SUCO: variants seen among roughly 807,000 people sequenced by gnomAD.
The protein encoded by SUCO is SUN domain-containing ossification factor.
SUCO carries 57 observed loss-of-function variants against 148.1 expected under a neutral mutation model. That is an observed-to-expected ratio of 0.38 (90% confidence interval 0.31 to 0.48). The LOEUF is 0.48. Among genes scored for constraint, SUCO ranks in the 20% least tolerant of loss-of-function variants. The pLI is 0.96. For synonymous variants in SUCO, 470 were observed against 502.7 expected (o/e 0.93, Z 0.87); for missense variants, 1,331 against 1,468.2 (o/e 0.91, Z 1.53).
chr1:172,549,126 T>C (rs763019858), intron 1 of SUCO, among the ~76,000 whole-genome samples: 6 of 152,048 alleles, frequency 3.9e-5, no homozygotes, highest in Non-Finnish European at 8.8e-5. Flanking sequence ...TACTTTGTTG[T>C]TTTCATATTT....
At chr1:172,553,875 A>T (rs1653509892) in intron 3 of SUCO, among the ~76,000 whole-genome samples, 1 of 152,198 alleles carries the variant, frequency 6.6e-6, no homozygotes, top group Non-Finnish European at 1.5e-5. Flanking sequence ...AATACTAAAA[A>T]CTAGAATATA....
rs556750226 is a variant in SUCO, at chr1:172,591,553, G to A, written c.2913+482G>A. On this transcript the variant is annotated intron_variant, in intron 19 of 23. Coordinates refer to ENST00000263688, the MANE Select transcript of SUCO (RefSeq NM_014283.5). ...TGTTTGGTTTTCTGTCCTTGTGATA[G>A]TTTGCTCAGAATGATGGTTTCCAGC... Among the ~76,000 whole-genome samples the A allele has an allele frequency of 6.0e-3, 906 of 151,638 alleles. 13 individuals are homozygous for A. The highest frequency in any genetic ancestry group is 0.021 in the African/African-American group (865 of 41,252).
intron 2 of SUCO, 94 bp from the exon 3 acceptor site, chr1:172,553,166 T>C (rs1354534610): frequency 7.4e-7 from 1 of 1,348,176 alleles, no homozygotes; most frequent in Non-Finnish European, 9.6e-7. Context: ...AGTTTTTTGG[T>C]TTTAAAGTAT....
At chr1:172,586,457 G>T (rs939866866) in intron 17 of SUCO, among the ~76,000 whole-genome samples, 1 of 152,094 alleles carries the variant, frequency 6.6e-6, no homozygotes, top group African/African-American at 2.4e-5. Flanking sequence ...GACACTTTGG[G>T]CAGGGATGTA....
intron 6 of SUCO, among the ~76,000 whole-genome samples, chr1:172,567,810 C>T (rs1654663982): frequency 6.6e-6 from 1 of 152,122 alleles, no homozygotes; most frequent in African/African-American, 2.4e-5. Flanking sequence ...TCTCTTGGCT[C>T]AACAGATATT....
At chr1:172,545,238 A>G (rs1409601695) in intron 1 of SUCO, among the ~76,000 whole-genome samples, 11 of 152,218 alleles carry the variant, frequency 7.2e-5, no homozygotes, top group Admixed American at 5.9e-4. Flanking sequence ...TGCAACTTTT[A>G]AATGAGCTTT....
chr1:172,533,855 C>T (rs1651810555), intron 1 of SUCO, among the ~76,000 whole-genome samples: 1 of 152,180 alleles, frequency 6.6e-6, no homozygotes, highest in Non-Finnish European at 1.5e-5. Context: ...TGCCGCCAGT[C>T]TTTGCGTTCT....
At chr1:172,532,911 T>C (rs999313141), upstream of SUCO, 10 of 1,401,332 alleles carry the variant, frequency 7.1e-6, no homozygotes, top group Non-Finnish European at 9.5e-6. Flanking sequence ...GAGCATCTGC[T>C]CCTGCGCTTT....
chr1:172,556,125 T>G, intron 4 of SUCO, 102 bp downstream of exon 4: 1 of 843,560 alleles, frequency 1.2e-6, no homozygotes, highest in Admixed American at 2.3e-5. Context: ...GTTTGAAGTT[T>G]AGGCTATATA....
At chr1:172,571,577 C>T (rs1332427926) in intron 9 of SUCO, among the ~76,000 whole-genome samples, 2 of 144,330 alleles carry the variant, frequency 1.4e-5, no homozygotes, top group African/African-American at 2.6e-5. Flanking sequence ...AAGTGAGGAG[C>T]GTCTCTGCCC....
At chr1:172,606,279 ATTTTT>A (rs1279126560) in intron 22 of SUCO, among the ~76,000 whole-genome samples, 1 of 89,464 alleles carries the variant, frequency 1.1e-5, no homozygotes, top group Non-Finnish European at 2.3e-5. Flanking sequence ...ATCCCTTTTA[ATTTTT>A]TTTTTTTTTC....
At chr1:172,564,003 C>T (rs894688280) in intron 6 of SUCO, among the ~76,000 whole-genome samples, 2 of 152,246 alleles carry the variant, frequency 1.3e-5, no homozygotes, top group African/African-American at 4.8e-5. Flanking sequence ...TCAAAGGGTG[C>T]AAGCCCCGAG....
At position 172,567,412 on chromosome 1, in the gene SUCO, T is replaced by C. The variant is rs532149908; in HGVS notation, c.733-1607T>C. 1.1e-4 allele frequency among the ~76,000 whole-genome samples: 16 copies of C among 152,340 alleles called. 2 individuals are homozygous for C. The South Asian group carries it at 2.5e-3, about 24-fold the overall frequency. On this transcript the variant is annotated intron_variant, in intron 6 of 23. Transcript: ENST00000263688. ...GGATGCCCTTCCTCAGTATTCCTTC[T>C]CTTGTCTTCAGATATAACCACTGTC... is the stretch of plus-strand genomic sequence containing the variant.
At chr1:172,537,096 A>G (rs1467596204) in intron 1 of SUCO, among the ~76,000 whole-genome samples, 1 of 152,156 alleles carries the variant, frequency 6.6e-6, no homozygotes, top group Admixed American at 6.5e-5. Flanking sequence ...TCCTGGGCAA[A>G]CTGGGAAAGC....
At chr1:172,544,218 A>T (rs899371634) in intron 1 of SUCO, 1 of 677,096 alleles carries the variant, frequency 1.5e-6, no homozygotes, top group Non-Finnish European at 1.8e-6. Flanking sequence ...TTAAGAAGCA[A>T]TTCTTTGTTG....
chr1:172,574,405 T>A (rs533333194), intron 10 of SUCO, among the ~76,000 whole-genome samples: 1 of 152,190 alleles, frequency 6.6e-6, no homozygotes, highest in South Asian at 2.1e-4. Context: ...CATGTGTAGG[T>A]GCTTTATGAG....
intron 1 of SUCO, chr1:172,541,800 C>G: frequency 1.0e-6 from 1 of 959,700 alleles, no homozygotes; most frequent in Non-Finnish European, 1.2e-6. Context: ...TAACTGCTTT[C>G]TTGGAGCACA....
At chr1:172,569,824 A>G (rs1389895829) in intron 7 of SUCO, among the ~76,000 whole-genome samples, 1 of 152,202 alleles carries the variant, frequency 6.6e-6, no homozygotes, top group Non-Finnish European at 1.5e-5. Flanking sequence ...AGACATAAGT[A>G]ATGTAGAATT....
chr1:172,564,407 G>A (rs960061576), intron 6 of SUCO, among the ~76,000 whole-genome samples: 1 of 152,204 alleles, frequency 6.6e-6, no homozygotes, highest in African/African-American at 2.4e-5. Flanking sequence ...GCTGCCCAGG[G>A]CCTTGGTGAT....
Sources: gnomAD v4.1 joint callset for allele counts (sites outside exome capture counted in the v4.1 genomes callset) on GRCh38, gnomAD v4.1.1 for gene constraint, MANE v1.5 for transcripts, NCBI Gene and HGNC (gene_info 2026-07-23, HGNC 2026-07-21) for gene names.